The following NTRK2 variants were observed in gnomAD, a reference collection of about 807,000 sequenced individuals.
NTRK2 encodes the protein BDNF/NT-3 growth factors receptor.
NTRK2 carries 13 observed loss-of-function variants against 94.5 expected under a neutral mutation model. The ratio of observed to expected loss-of-function variants is 0.14; its 90% CI spans 0.09 to 0.22. The LOEUF is 0.22. Ranked by LOEUF, NTRK2 falls within the 10% of genes least tolerant of loss-of-function variation. The probability of loss-of-function intolerance (pLI) is 1.00; values close to 1 mark genes in which losing one functional copy is unlikely to be tolerated. For synonymous variants in NTRK2, 372 were observed against 407.4 expected (o/e 0.91, Z 1.05); for missense variants, 639 against 1,071.2 (o/e 0.60, Z 5.63).
chr9:84,959,653 C>T (rs1027717354), intron 17 of NTRK2, among the ~76,000 whole-genome samples: 5 of 152,164 alleles, frequency 3.3e-5, no homozygotes, highest in African/African-American at 9.7e-5. Context: ...CCCAACATGG[C>T]GGGTCCAAAA....
chr9:84,837,078 T>C (rs990975395), intron 12 of NTRK2, among the ~76,000 whole-genome samples: 2 of 151,640 alleles, frequency 1.3e-5, no homozygotes, highest in African/African-American at 2.4e-5. Context: ...ATTCAGTAAA[T>C]ATTTGTTAAC....
At chr9:84,855,228 G>C (rs1301313378) in intron 12 of NTRK2, among the ~76,000 whole-genome samples, 2 of 152,182 alleles carry the variant, frequency 1.3e-5, no homozygotes, top group Non-Finnish European at 2.9e-5. Flanking sequence ...GGCAGCTCAT[G>C]GGAAACAGAT....
At chr9:84,967,577 C>T (rs1825701367) in intron 17 of NTRK2, among the ~76,000 whole-genome samples, 1 of 152,268 alleles carries the variant, frequency 6.6e-6, no homozygotes, top group Admixed American at 6.5e-5. Flanking sequence ...CCCTCACAGC[C>T]TTACGACAGC....
At chr9:84,767,676 G>T (rs2066163951) in intron 12 of NTRK2, among the ~76,000 whole-genome samples, 1 of 151,976 alleles carries the variant, frequency 6.6e-6, no homozygotes, top group Admixed American at 6.6e-5. Context: ...TAGTTGATTG[G>T]CTGTCACCTT....
At chr9:84,812,662 T>C in intron 12 of NTRK2, 1 of 1,044,974 alleles carries the variant, frequency 9.6e-7, no homozygotes, top group Non-Finnish European at 1.2e-6. Flanking sequence ...ATCAGCCATT[T>C]GGTACAAAAA....
chr9:84,900,216 T>C (rs1164232412), intron 14 of NTRK2, among the ~76,000 whole-genome samples: 2 of 152,076 alleles, frequency 1.3e-5, no homozygotes, highest in Non-Finnish European at 2.9e-5. Flanking sequence ...CTGGTTCGGG[T>C]GTTAGAGGTC....
chr9:84,707,897 T>A lies in NTRK2; in HGVS notation c.413T>A (p.Leu138His), dbSNP rs2061204945. The A allele has an allele frequency of 2.5e-6, 4 of 1,612,874 alleles. No homozygotes were observed. The East Asian group carries it at 8.9e-5, about 36-fold the overall frequency. The change falls in exon 5 of 19, where the codon CTT becomes CAT. Residue 138 changes from leucine (L) to histidine (H), a missense_variant. Around this residue, in one of 5 missense-constraint regions of NTRK2, gnomAD observed 206 missense variants for 251.5 expected, o/e 0.82. Transcript: ENST00000277120. ...TSLSRKHFRH[L>H]DLSELILVGN... is the part of the protein sequence containing the mutation. Reference sequence around the variant, plus strand: ...TTGTCTAGGAAACATTTCCGTCACCTTGACTTGTCTGAACTGTAAGTAATG... The same window carrying A: ...TTGTCTAGGAAACATTTCCGTCACCATGACTTGTCTGAACTGTAAGTAATG...
intron 9 of NTRK2, among the ~76,000 whole-genome samples, chr9:84,736,989 G>T (rs1470237210): frequency 6.6e-6 from 1 of 152,214 alleles, no homozygotes. Flanking sequence ...AGCAAGGACA[G>T]TTTATTTGAA....
intron 12 of NTRK2, among the ~76,000 whole-genome samples, chr9:84,819,525 C>G (rs1034505619): frequency 7.2e-5 from 11 of 152,208 alleles, no homozygotes. Flanking sequence ...TTGATTACCT[C>G]TCCATCACGC....
chr9:84,787,107 GA>G (rs2068196136), intron 12 of NTRK2, among the ~76,000 whole-genome samples: 2 of 152,092 alleles, frequency 1.3e-5, no homozygotes, highest in Non-Finnish European at 2.9e-5. Context: ...AGATCAGCCT[GA>G]CCAACATGGT....
rs58910921 is a variant in NTRK2, at chr9:84,845,250, T to TACACACACACAC, written c.1397-15767_1397-15756dup. The stretch of plus-strand genomic sequence containing the variant: ...AGTGGATAAAGAAAAATGTGGTGTA[T>TACACACACACAC]ACACACACACACACACACACACACA... On this transcript the variant is annotated intron_variant, in intron 12 of 18. Transcript: ENST00000277120. Among the ~76,000 whole-genome samples, 876 of 148,000 alleles carry TACACACACACAC rather than the reference T, an allele frequency of 5.9e-3. 5 individuals carry two copies. The highest frequency in any genetic ancestry group is 0.015 in the African/African-American group (613 of 39,954).
In NTRK2 at chr9:84,670,813, T is replaced by C. The variant is rs772667595; in HGVS notation, c.65T>C (p.Val22Ala). ...MARLWGFCWL[V>A]VGFWRAAFAC... ...CGGCTCTGGGGCTTCTGCTGGCTGG[T>C]TGTGGGCTTCTGGAGGGCCGCTTTC... is the stretch of plus-strand genomic sequence containing the variant. The change falls in exon 2 of 19, where the codon GTT (valine) becomes GCT (alanine). Residue 22 changes from valine (V) to alanine (A), a missense_variant. Around this residue, in one of 5 missense-constraint regions of NTRK2, gnomAD observed 206 missense variants for 251.5 expected, o/e 0.82. Transcript: ENST00000277120. 9.3e-6 allele frequency: 15 copies of C among 1,614,026 alleles called. No homozygotes were observed. In the Admixed American group the frequency reaches 1.8e-4, roughly 20 times the overall value.
intron 12 of NTRK2, among the ~76,000 whole-genome samples, chr9:84,787,165 G>T (rs576842539): frequency 3.4e-4 from 51 of 152,210 alleles, no homozygotes; most frequent in African/African-American, 1.1e-3. Context: ...AGGCGTGGTG[G>T]CAGGCACCTA....
At chr9:84,851,430 CATTTTATCCAATT>C (rs1411732917) in intron 12 of NTRK2, among the ~76,000 whole-genome samples, 1 of 152,146 alleles carries the variant, frequency 6.6e-6, no homozygotes, top group Non-Finnish European at 1.5e-5. Flanking sequence ...TATTTATGGT[CATTTTATCCAATT>C]ATTTTTATTC....
chr9:84,716,136 TGAA>T (rs1213256442), intron 6 of NTRK2, among the ~76,000 whole-genome samples: 2 of 152,132 alleles, frequency 1.3e-5, no homozygotes, highest in East Asian at 3.8e-4. Context: ...ACTTGTTGGT[TGAA>T]GAACTGTGCA....
chr9:84,736,720 A>G (rs2063287177), intron 9 of NTRK2, among the ~76,000 whole-genome samples: 1 of 152,234 alleles, frequency 6.6e-6, no homozygotes. Context: ...ATGTTAGTTA[A>G]TTATGCTTCC....
chr9:84,874,356 C>G (rs2075988735), intron 14 of NTRK2: 1 of 1,065,056 alleles, frequency 9.4e-7, no homozygotes. Flanking sequence ...GCTATTATAA[C>G]AAAGTGAAGG....
chr9:84,893,588 G>A (rs1198463227), intron 14 of NTRK2, among the ~76,000 whole-genome samples: 1 of 152,178 alleles, frequency 6.6e-6, no homozygotes, highest in African/African-American at 2.4e-5. Context: ...CACCCATGCA[G>A]GCACTCACGA....
chr9:84,769,025 G>A (rs1031265088), intron 12 of NTRK2, among the ~76,000 whole-genome samples: 4 of 152,174 alleles, frequency 2.6e-5, no homozygotes, highest in East Asian at 1.9e-4. Flanking sequence ...CAAGGCAGAC[G>A]AACGTGGAAG....
Sources: gnomAD v4.1 joint callset for allele counts (sites outside exome capture counted in the v4.1 genomes callset) on GRCh38, gnomAD v4.1.1 for gene constraint, gnomAD v4.1.1 regional missense constraint, MANE v1.5 for transcripts, NCBI Gene and HGNC (gene_info 2026-07-23, HGNC 2026-07-21) for gene names.